SOCS5: variants seen among roughly 807,000 people sequenced by gnomAD.
SOCS5 encodes the protein suppressor of cytokine signaling 5.
In SOCS5, 32 loss-of-function variants were observed where a neutral mutation model predicts 42.8. The observed-to-expected ratio is 0.75, with a 90% CI of 0.56 to 1.01. The LOEUF is 1.01. SOCS5 is among the 50% of genes least tolerant of loss of function. The probability of loss-of-function intolerance (pLI) is 0.00; values close to 1 mark genes in which losing one functional copy is unlikely to be tolerated. For synonymous variants in SOCS5, 283 were observed against 229.6 expected (o/e 1.23, Z -2.10); for missense variants, 627 against 653.0 (o/e 0.96, Z 0.43).
chr2:46,721,142 C>G lies in SOCS5; in HGVS notation c.-13+21693C>G, dbSNP rs1307000074. ...CTGAGACTCCTTTGTATTGCAGTGCCTCTCTACTTTAAATGAATTTATTTT... is the reference window on the plus strand; with the variant it reads ...CTGAGACTCCTTTGTATTGCAGTGCGTCTCTACTTTAAATGAATTTATTTT... On this transcript the variant is annotated intron_variant, in intron 1 of 1. Coordinates refer to ENST00000394861, the MANE Select transcript of SOCS5 (RefSeq NM_144949.3). Among the ~76,000 whole-genome samples the G allele has an allele frequency of 2.0e-5, 3 of 152,106 alleles. No individual in the cohort carries two copies. The East Asian group carries it at 5.8e-4, about 29-fold the overall frequency.
intron 1 of SOCS5, among the ~76,000 whole-genome samples, chr2:46,758,083 GT>G: frequency 6.6e-6 from 1 of 152,246 alleles, no homozygotes; most frequent in Non-Finnish European, 1.5e-5. Context: ...CTAATGAAAG[GT>G]TTTTGAACTA....
chr2:46,749,053 G>A (rs967662107), intron 1 of SOCS5, among the ~76,000 whole-genome samples: 1 of 152,168 alleles, frequency 6.6e-6, no homozygotes, highest in African/African-American at 2.4e-5. Flanking sequence ...TTTGTGGGAA[G>A]CATTGATGCC....
intron 1 of SOCS5, among the ~76,000 whole-genome samples, chr2:46,712,638 G>A (rs1042914817): frequency 2.6e-5 from 4 of 152,112 alleles, no homozygotes; most frequent in African/African-American, 7.2e-5. Flanking sequence ...CACTGTGCCC[G>A]GCCTGTTCAG....
At chr2:46,744,078 C>T (rs770191060) in intron 1 of SOCS5, among the ~76,000 whole-genome samples, 2 of 152,056 alleles carry the variant, frequency 1.3e-5, no homozygotes, top group African/African-American at 2.4e-5. Flanking sequence ...CAACCTCCCC[C>T]TCCTGGGTTC....
intron 1 of SOCS5, among the ~76,000 whole-genome samples, chr2:46,700,914 C>G (rs1672329141): frequency 6.6e-6 from 1 of 152,090 alleles, no homozygotes; most frequent in Non-Finnish European, 1.5e-5. Context: ...AAAATGAAAG[C>G]TGATTAGTAC....
intron 1 of SOCS5, among the ~76,000 whole-genome samples, chr2:46,757,902 A>C (rs774037058): frequency 3.3e-5 from 5 of 152,342 alleles, no homozygotes; most frequent in Non-Finnish European, 7.3e-5. Flanking sequence ...ACCTTTCCTA[A>C]ATATTACATT....
rs750378740 is a variant in SOCS5, at chr2:46,758,813, G to A, written c.283G>A (p.Glu95Lys). 16 of 1,614,138 alleles carry A rather than the reference G, an allele frequency of 9.9e-6. No homozygotes were observed. Among genetic ancestry groups the A allele is most frequent in the Non-Finnish European group, 1.3e-5 (15 of 1,180,004 alleles). ...CCCTCAAATTGTTGAAATAAGCATC[G>A]AAAAGGATAATGATTCTTGTGTTAC... ...EIPQIVEISI[E>K]KDNDSCVTPG... Residue 95 changes from glutamate to lysine, a missense_variant, in exon 2 of 2, where the codon GAA becomes AAA. Physicochemically the swap from Glu to Lys is moderately conservative, Grantham distance 56 (BLOSUM62 1). Around this residue, in one of 3 missense-constraint regions of SOCS5, gnomAD observed 278 missense variants for 246.3 expected, o/e 1.13. Coordinates refer to ENST00000394861, the MANE Select transcript of SOCS5 (RefSeq NM_144949.3).
At chr2:46,705,648 G>A (rs113236572) in intron 1 of SOCS5, among the ~76,000 whole-genome samples, 120 of 152,306 alleles carry the variant, frequency 7.9e-4, no homozygotes, top group Middle Eastern at 6.8e-3. Flanking sequence ...TATGCATGTG[G>A]CCAAAGGGGT....
At chr2:46,728,589 C>T (rs1184569038) in intron 1 of SOCS5, among the ~76,000 whole-genome samples, 1 of 152,128 alleles carries the variant, frequency 6.6e-6, no homozygotes, top group East Asian at 1.9e-4. Flanking sequence ...TAGAATCTTG[C>T]TCTGTCACCT....
chr2:46,741,039 C>T (rs1164878317), intron 1 of SOCS5, among the ~76,000 whole-genome samples: 4 of 152,110 alleles, frequency 2.6e-5, no homozygotes, highest in Non-Finnish European at 5.9e-5. Flanking sequence ...GAGTGGAGAC[C>T]TGTATTTGCG....
Position 46,702,406 on chromosome 2 carries a change from G to A in SOCS5, c.-13+2957G>A, listed in dbSNP as rs182967620. ...AATTAGGTCTGCATATCAAATTAGAGTGAATGTGTTACTGTTTCTGAATGT... is the reference window on the plus strand; with the variant it reads ...AATTAGGTCTGCATATCAAATTAGAATGAATGTGTTACTGTTTCTGAATGT... On this transcript the variant is annotated intron_variant, in intron 1 of 1. Transcript: ENST00000394861. Among the ~76,000 whole-genome samples the A allele has an allele frequency of 9.9e-5, 15 of 152,224 alleles. No homozygotes were observed. The East Asian group carries it at 2.9e-3, about 29-fold the overall frequency.
chr2:46,719,036 G>A (rs757123522), intron 1 of SOCS5, among the ~76,000 whole-genome samples: 3 of 152,172 alleles, frequency 2.0e-5, no homozygotes, highest in Non-Finnish European at 2.9e-5. Context: ...AGCCTCAAAT[G>A]ATTAGGTTAT....
At chr2:46,719,354 T>C (rs2103709779) in intron 1 of SOCS5, among the ~76,000 whole-genome samples, 1 of 152,356 alleles carries the variant, frequency 6.6e-6, no homozygotes, top group Middle Eastern at 3.4e-3. Flanking sequence ...ATCCTAAACT[T>C]TTTCCAAACT....
intron 1 of SOCS5, among the ~76,000 whole-genome samples, chr2:46,757,973 A>T (rs918722481): frequency 1.3e-5 from 2 of 152,216 alleles, no homozygotes; most frequent in Non-Finnish European, 2.9e-5. Context: ...TTGATACATT[A>T]TAGGGTGGGA....
At chr2:46,736,869 T>C (rs751775759) in intron 1 of SOCS5, among the ~76,000 whole-genome samples, 1 of 152,014 alleles carries the variant, frequency 6.6e-6, no homozygotes, top group Admixed American at 6.6e-5. Flanking sequence ...ATTTGCATTA[T>C]GTTTACTAGT....
chr2:46,711,259 T>G (rs1672616083), intron 1 of SOCS5, among the ~76,000 whole-genome samples: 1 of 152,204 alleles, frequency 6.6e-6, no homozygotes, highest in African/African-American at 2.4e-5. Context: ...GTTTTACCAT[T>G]TTACATTCCC....
chr2:46,735,581 C>A (rs1223663263), intron 1 of SOCS5, among the ~76,000 whole-genome samples: 1 of 151,912 alleles, frequency 6.6e-6, no homozygotes, highest in Non-Finnish European at 1.5e-5. Context: ...TTTGCCTTCT[C>A]TGCTTGATTC....
intron 1 of SOCS5, among the ~76,000 whole-genome samples, chr2:46,729,944 A>G (rs1220787820): frequency 1.3e-5 from 2 of 152,168 alleles, no homozygotes; most frequent in African/African-American, 4.8e-5. Context: ...TCCTTATTCT[A>G]TAAGCTTTTT....
intron 1 of SOCS5, among the ~76,000 whole-genome samples, chr2:46,732,871 T>C (rs1269707323): frequency 6.6e-6 from 1 of 152,198 alleles, no homozygotes; most frequent in Non-Finnish European, 1.5e-5. Context: ...GCCAGGGCCA[T>C]GCGAGTTAGT....
Sources: gnomAD v4.1 joint callset for allele counts (sites outside exome capture counted in the v4.1 genomes callset) on GRCh38, gnomAD v4.1.1 for gene constraint, gnomAD v4.1.1 regional missense constraint, MANE v1.5 for transcripts, NCBI Gene and HGNC (gene_info 2026-07-23, HGNC 2026-07-21) for gene names.